Variants in CLIP1 observed in about 807,000 individuals in gnomAD.
CLIP1 encodes the protein CAP-Gly domain containing linker protein 1.
CLIP1 carries 66 observed loss-of-function variants against 161.6 expected under a neutral mutation model. The observed-to-expected ratio is 0.41, with a 90% CI of 0.33 to 0.50. CLIP1 has a LOEUF of 0.50. CLIP1 is among the 20% of genes least tolerant of loss of function. CLIP1 has a pLI of 0.27. For missense variants in CLIP1, 1,376 were observed against 1,702.0 expected, an observed-to-expected ratio of 0.81 and a Z score of 3.37; for synonymous variants, 598 against 626.2, an observed-to-expected ratio of 0.96 and a Z score of 0.67.
chr12:122,375,151 C>T (rs1254711092), intron 3 of CLIP1, among the ~76,000 whole-genome samples: 3 of 151,960 alleles, frequency 2.0e-5, no homozygotes, highest in African/African-American at 4.8e-5. Flanking sequence ...CACTATGATA[C>T]GCTGCCCCTC....
chr12:122,371,109 T>C (rs1954430872), intron 3 of CLIP1, among the ~76,000 whole-genome samples: 1 of 152,164 alleles, frequency 6.6e-6, no homozygotes, highest in South Asian at 2.1e-4. Context: ...CAAAAGATCA[T>C]AAGCTACCAA....
chr12:122,354,769 T>C, intron 6 of CLIP1: 1 of 579,088 alleles, frequency 1.7e-6, no homozygotes, highest in Non-Finnish European at 3.1e-6. Flanking sequence ...AAAACACCTC[T>C]CATCTTTTTT....
intron 5 of CLIP1, among the ~76,000 whole-genome samples, chr12:122,359,270 C>T (rs531960305): frequency 9.8e-4 from 150 of 152,302 alleles, no homozygotes; most frequent in African/African-American, 3.4e-3. Flanking sequence ...CAGAAACTCA[C>T]GTCTCTTTTG....
rs765996147 is a variant in CLIP1, at chr12:122,361,139, G to A, written c.825C>T (p.Val275=). Residue 275 remains valine (V), a synonymous_variant, in exon 5 of 26, where the codon GTC becomes GTT. Coordinates refer to ENST00000620786, the MANE Select transcript of CLIP1 (RefSeq NM_001247997.2). ...GGAAGCCAATCTTGGTAACTTTGTG[G>A]ACAGGAGCGAACAAGCCATATTTGG... ...CQPKYGLFAP[V]HKVTKIGFPS... is the part of the protein sequence containing the mutation. 6.2e-7 allele frequency: 1 copy of A among 1,614,200 alleles called. No homozygotes were observed. Among genetic ancestry groups the A allele is most frequent in the East Asian group, 2.2e-5 (1 of 44,886 alleles).
At chr12:122,371,424 C>T (rs1943059369) in intron 3 of CLIP1, among the ~76,000 whole-genome samples, 1 of 152,142 alleles carries the variant, frequency 6.6e-6, no homozygotes, top group Admixed American at 6.6e-5. Flanking sequence ...AACCACCGCC[C>T]AATTACTGAG....
At chr12:122,344,772 A>G (rs1952664885) in intron 10 of CLIP1, among the ~76,000 whole-genome samples, 1 of 152,206 alleles carries the variant, frequency 6.6e-6, no homozygotes, top group African/African-American at 2.4e-5. Flanking sequence ...CACCAAGCAC[A>G]CTGTTTGGAA....
At chr12:122,303,228 C>T (rs1455625979) in intron 20 of CLIP1, among the ~76,000 whole-genome samples, 4 of 152,188 alleles carry the variant, frequency 2.6e-5, no homozygotes, top group Non-Finnish European at 4.4e-5. Context: ...TTACATAACA[C>T]AAAGCACTAT....
chr12:122,373,327 G>C (rs566578032), intron 3 of CLIP1, among the ~76,000 whole-genome samples: 18 of 151,990 alleles, frequency 1.2e-4, no homozygotes, highest in Admixed American at 1.0e-3. Context: ...GGAGGCTGAG[G>C]CACGAGAATC....
intron 13 of CLIP1, 71 bp from the exon 14 acceptor site, chr12:122,334,181 A>G (rs1566130973): frequency 1.8e-5 from 17 of 922,158 alleles, no homozygotes; most frequent in Non-Finnish European, 2.9e-5. Flanking sequence ...TGGCTGTCTT[A>G]CAACCCAGTC....
At chr12:122,391,490 G>A (rs1331078778) in intron 1 of CLIP1, among the ~76,000 whole-genome samples, 1 of 152,176 alleles carries the variant, frequency 6.6e-6, no homozygotes, top group Non-Finnish European at 1.5e-5. Context: ...GGAGGCTGAG[G>A]CAGGAAAATC....
chr12:122,408,042 C>T (rs1380772504), intron 1 of CLIP1, among the ~76,000 whole-genome samples: 1 of 151,818 alleles, frequency 6.6e-6, no homozygotes, highest in Non-Finnish European at 1.5e-5. Flanking sequence ...TCAAGACCAG[C>T]CTGACTAACA....
In CLIP1 at chr12:122,341,338, T is replaced by C. The variant is rs150031777; in HGVS notation, c.1866A>G (p.Leu622=). 16 of 1,614,070 alleles carry C rather than the reference T, an allele frequency of 9.9e-6. No homozygotes were observed. Among genetic ancestry groups the C allele is most frequent in the Admixed American group, 8.3e-5 (5 of 59,994 alleles). ...TGGCAGTCTCCAGTTTGGACTTCCA[T>C]AGAGCTATCACATCTGAGTTCTCTT... ...ANKENSDVIA[L]WKSKLETAIA... is the part of the protein sequence containing the mutation. Residue 622 remains leucine (L), a synonymous_variant, in exon 11 of 26, where the codon CTA becomes CTG. Coordinates refer to ENST00000620786, the MANE Select transcript of CLIP1 (RefSeq NM_001247997.2).
chr12:122,386,713 G>A (rs1171593745), intron 1 of CLIP1, among the ~76,000 whole-genome samples: 1 of 151,412 alleles, frequency 6.6e-6, no homozygotes, highest in African/African-American at 2.4e-5. Context: ...TAAAAAATGA[G>A]ATTCTGGCTG....
intron 20 of CLIP1, among the ~76,000 whole-genome samples, chr12:122,288,867 G>C (rs1371631801): frequency 6.9e-6 from 1 of 144,492 alleles, no homozygotes; most frequent in Non-Finnish European, 1.5e-5. Context: ...CCAGGCTGGA[G>C]TGCAGTGGCG....
At chr12:122,353,694 G>A (rs181897441) in intron 7 of CLIP1, among the ~76,000 whole-genome samples, 3 of 151,984 alleles carry the variant, frequency 2.0e-5, no homozygotes, top group Non-Finnish European at 2.9e-5. Context: ...GCAGTGGCGC[G>A]ATCTCGGCTC....
chr12:122,390,172 G>GAGATATAT (rs1555280493), intron 1 of CLIP1, among the ~76,000 whole-genome samples: 3 of 93,530 alleles, frequency 3.2e-5, no homozygotes, highest in East Asian at 4.1e-4. Context: ...CACAGTCTCA[G>GAGATATAT]ATATATATAT....
At chr12:122,287,755 G>A (rs181747494) in intron 21 of CLIP1, among the ~76,000 whole-genome samples, 2 of 152,264 alleles carry the variant, frequency 1.3e-5, no homozygotes, top group African/African-American at 4.8e-5. Flanking sequence ...TCATGGGAGA[G>A]TAAGTAAGAA....
intron 3 of CLIP1, among the ~76,000 whole-genome samples, chr12:122,374,529 C>T (rs1353474059): frequency 1.3e-5 from 2 of 151,664 alleles, no homozygotes; most frequent in Non-Finnish European, 2.9e-5. Flanking sequence ...TTTGGGAGGC[C>T]GAGTCGGGTG....
At chr12:122,419,188 T>C (rs1483315474) in intron 1 of CLIP1, among the ~76,000 whole-genome samples, 1 of 152,018 alleles carries the variant, frequency 6.6e-6, no homozygotes. Flanking sequence ...CTGGCCAACA[T>C]GGTGAAACCC....
Sources: gnomAD v4.1 joint callset for allele counts (sites outside exome capture counted in the v4.1 genomes callset) on GRCh38, gnomAD v4.1.1 for gene constraint, MANE v1.5 for transcripts, NCBI Gene and HGNC (gene_info 2026-07-23, HGNC 2026-07-21) for gene names.